PCDHGB3: variants seen among roughly 807,000 people sequenced by gnomAD.
PCDHGB3 encodes the protein protocadherin gamma-B3.
In PCDHGB3, 40 loss-of-function variants were observed where a neutral mutation model predicts 59.2. The ratio of observed to expected loss-of-function variants is 0.68; its 90% confidence interval spans 0.52 to 0.88. PCDHGB3 has a LOEUF of 0.88. Ranked by LOEUF, PCDHGB3 falls within the 40% of genes least tolerant of loss-of-function variation. PCDHGB3 has a pLI of 0.00. For synonymous variants in PCDHGB3, 581 were observed against 503.6 expected, an observed-to-expected ratio of 1.15 and a Z score of -2.06; for missense variants, 1,309 against 1,187.9, an observed-to-expected ratio of 1.10 and a Z score of -1.50.
intron 1 of PCDHGB3, chr5:141,374,277 G>C: frequency 1.2e-6 from 2 of 1,613,958 alleles, no homozygotes; most frequent in African/African-American, 1.3e-5. Context: ...CACGGAGTCC[G>C]CATCGTCTCC....
chr5:141,401,353 AAGG>A (rs772220375), intron 1 of PCDHGB3, among the ~76,000 whole-genome samples: 7 of 152,166 alleles, frequency 4.6e-5, no homozygotes, highest in African/African-American at 7.2e-5. Flanking sequence ...AAAAAAAAGG[AAGG>A]AGAAGGAGAG....
At position 141,403,188 on chromosome 5, in the gene PCDHGB3, C is replaced by T. The variant is rs763950254; in HGVS notation, c.2415+30379C>T. ...AGGACGCAGCTTTTCTCTCTGAACCCGCGCAGCGGCACCTTGGTCACCGCG... is the reference window on the plus strand; with the variant it reads ...AGGACGCAGCTTTTCTCTCTGAACCTGCGCAGCGGCACCTTGGTCACCGCG... On this transcript the variant is annotated intron_variant, in intron 1 of 3. Coordinates refer to ENST00000576222, the MANE Select transcript of PCDHGB3 (RefSeq NM_018924.5). 5 of 1,613,850 alleles carry T rather than the reference C, an allele frequency of 3.1e-6. No individual in the cohort carries two copies. The African/African-American group carries it at 4.0e-5, about 13-fold the overall frequency.
intron 1 of PCDHGB3, among the ~76,000 whole-genome samples, chr5:141,439,279 CT>C (rs2098102664): frequency 6.6e-6 from 1 of 151,930 alleles, no homozygotes; most frequent in African/African-American, 2.4e-5. Flanking sequence ...CATTCTGAGA[CT>C]GTGTTCCATG....
intron 1 of PCDHGB3, chr5:141,420,314 A>G (rs1454977890): frequency 6.9e-7 from 1 of 1,442,692 alleles, no homozygotes; most frequent in African/African-American, 1.4e-5. Flanking sequence ...TTTATATTAC[A>G]ATATGCCAAT....
chr5:141,393,356 C>G (rs1174239790), intron 1 of PCDHGB3: 3 of 1,613,978 alleles, frequency 1.9e-6, no homozygotes, highest in East Asian at 2.2e-5. Context: ...TCTCCCTGGA[C>G]GTGCAGACTG....
rs377384867 is a variant in PCDHGB3 at position 141,371,686 on chromosome 5, C to A, written c.1292C>A (p.Pro431Gln). The change falls in exon 1 of 4, where the codon CCG becomes CAG. Residue 431 changes from proline (P) to glutamine (Q), a missense_variant. Pro to Gln is a moderately conservative substitution (Grantham distance 76). Coordinates refer to ENST00000576222, the MANE Select transcript of PCDHGB3 (RefSeq NM_018924.5). ...ACAGCTACCGACAAAGGCAATCCAC[C>A]GCTCTCCTCCAGCAAGACCATCACT... is the stretch of plus-strand genomic sequence containing the variant. ...TITATDKGNP[P>Q]LSSSKTITLH... 2.5e-6 allele frequency: 4 copies of A among 1,613,910 alleles called. No homozygotes were observed. Among genetic ancestry groups the A allele is most frequent in the Non-Finnish European group, 3.4e-6 (4 of 1,179,912 alleles).
At chr5:141,494,181 C>T (rs2099752517) in intron 1 of PCDHGB3, among the ~76,000 whole-genome samples, 1 of 152,136 alleles carries the variant, frequency 6.6e-6, no homozygotes, top group Non-Finnish European at 1.5e-5. Flanking sequence ...GAGAAGTGTC[C>T]CGGGACTTGG....
rs370032689 is a variant in PCDHGB3 at position 141,415,343 on chromosome 5, G to A, written c.2415+42534G>A. 84 of 1,614,112 alleles carry A rather than the reference G, an allele frequency of 5.2e-5. No homozygotes were observed. The African/African-American group carries it at 1.0e-3, about 20-fold the overall frequency. On this transcript the variant is annotated intron_variant, in intron 1 of 3. Transcript: ENST00000576222. The stretch of plus-strand genomic sequence containing the variant: ...CTGCTGGCGCACAGGCTGCGGCGCT[G>A]GCACAAGTCACGCCTGCTGCAGGCT...
intron 1 of PCDHGB3, chr5:141,427,536 G>T (rs758610182): frequency 1.6e-6 from 1 of 626,396 alleles, no homozygotes; most frequent in Non-Finnish European, 3.0e-6. Context: ...GGAGTACAAC[G>T]TCACCATCAC....
At chr5:141,423,927 T>G (rs2096791636) in intron 1 of PCDHGB3, 4 of 1,240,434 alleles carry the variant, frequency 3.2e-6, no homozygotes, top group Non-Finnish European at 4.1e-6. Flanking sequence ...TATGCTGGTT[T>G]GGTTTGAAGT....
At chr5:141,433,691 G>A (rs2097644575) in intron 1 of PCDHGB3, among the ~76,000 whole-genome samples, 1 of 152,044 alleles carries the variant, frequency 6.6e-6, no homozygotes, top group Non-Finnish European at 1.5e-5. Flanking sequence ...TACAAAATTA[G>A]CCGGGCGTGG....
At chr5:141,479,003 C>A (rs2099485569) in intron 1 of PCDHGB3, among the ~76,000 whole-genome samples, 1 of 152,176 alleles carries the variant, frequency 6.6e-6, no homozygotes, top group African/African-American at 2.4e-5. Flanking sequence ...AAACTAATAG[C>A]TTTTTGATAA....
intron 1 of PCDHGB3, among the ~76,000 whole-genome samples, chr5:141,438,598 AT>A (rs1433028092): frequency 6.7e-5 from 2 of 29,776 alleles, no homozygotes; most frequent in Non-Finnish European, 1.4e-4. Context: ...ATACATATAT[AT>A]ATATATATAT....
At chr5:141,384,494 T>G (rs900386629) in intron 1 of PCDHGB3, 2 of 1,613,972 alleles carry the variant, frequency 1.2e-6, no homozygotes, top group Admixed American at 1.7e-5. Context: ...CAACTAAGAG[T>G]GACTGCACAT....
rs770623588 is a variant in PCDHGB3, at chr5:141,410,424, C to A, written c.2415+37615C>A. ...GTCAAGTCTGGACCTGTAGTTCCCC[C>A]CAACTACAGTGAGGGGACTTTGCCT... is the stretch of plus-strand genomic sequence containing the variant. On this transcript the variant is annotated intron_variant, in intron 1 of 3. Transcript: ENST00000576222. The A allele has an allele frequency of 1.1e-5, 17 of 1,613,852 alleles. No homozygotes were observed. In the East Asian group the frequency reaches 3.6e-4, roughly 34 times the overall value.
chr5:141,372,622 A>G lies in PCDHGB3; in HGVS notation c.2228A>G (p.Tyr743Cys), dbSNP rs1231771489. The G allele has an allele frequency of 6.2e-7, 1 of 1,613,952 alleles. No homozygotes were observed. The highest frequency in any genetic ancestry group is 1.6e-4 in the Middle Eastern group (1 of 6,062). The change falls in exon 1 of 4, where the codon TAC (tyrosine) becomes TGC (cysteine). Residue 743 changes from tyrosine (Y) to cysteine (C), a missense_variant. Transcript: ENST00000576222. ...FKTVPGVLPT[Y>C]SERTLPYSYN... ...ACTGTACCTGGAGTTCTCCCCACCT[A>G]CAGCGAAAGGACTTTGCCTTATTCC...
At chr5:141,389,572 C>T in intron 1 of PCDHGB3, 3 of 1,613,282 alleles carry the variant, frequency 1.9e-6, no homozygotes, top group Non-Finnish European at 2.5e-6. Flanking sequence ...GTGCTGTACC[C>T]CGCGCTGGGT....
chr5:141,389,234 C>A, intron 1 of PCDHGB3: 2 of 1,614,076 alleles, frequency 1.2e-6, no homozygotes, highest in Non-Finnish European at 1.7e-6. Context: ...CTCCGGTTTT[C>A]TCACAGTCTT....
intron 1 of PCDHGB3, chr5:141,411,549 A>G (rs1169343676): frequency 6.6e-6 from 1 of 152,210 alleles, no homozygotes; most frequent in African/African-American, 2.4e-5. Flanking sequence ...TTGCCACTGC[A>G]CTCCAGCCTG....
Sources: gnomAD v4.1 joint callset for allele counts (sites outside exome capture counted in the v4.1 genomes callset) on GRCh38, gnomAD v4.1.1 for gene constraint, MANE v1.5 for transcripts, NCBI Gene and HGNC (gene_info 2026-07-23, HGNC 2026-07-21) for gene names.